ABCB5: variants seen among roughly 807,000 people sequenced by gnomAD.
The protein encoded by ABCB5 is ATP binding cassette subfamily B member 5.
In ABCB5, 155 loss-of-function variants were observed where a neutral mutation model predicts 144.2. The observed-to-expected ratio is 1.08, with a 90% CI of 0.94 to 1.23. The LOEUF is 1.23. Ranked by LOEUF, ABCB5 falls within the 50% of genes most tolerant of loss-of-function variation. The pLI is 0.00. For synonymous variants in ABCB5, 610 were observed against 528.6 expected, an observed-to-expected ratio of 1.15 and a Z score of -2.11; for missense variants, 1,830 against 1,520.8, an observed-to-expected ratio of 1.20 and a Z score of -3.38.
chr7:20,659,327 G>A (rs1583403391), intron 14 of ABCB5: 2 of 1,392,142 alleles, frequency 1.4e-6, no homozygotes, highest in African/African-American at 1.4e-5. Context: ...ATAAACCAGA[G>A]CCTTCAGACC....
At chr7:20,676,355 T>A (rs1785608643) in intron 14 of ABCB5, among the ~76,000 whole-genome samples, 1 of 151,560 alleles carries the variant, frequency 6.6e-6, no homozygotes, top group South Asian at 2.1e-4. Context: ...CTTAAATATT[T>A]ATTGGCAGAT....
rs200822568 is a variant in ABCB5, at chr7:20,704,676, A to T, written c.2338-48A>T. 6.5e-5 allele frequency: 93 copies of T among 1,441,564 alleles called. 1 individual carries two copies. The South Asian group carries it at 6.8e-4, about 11-fold the overall frequency. The allele number at this position is 1,441,564 out of a possible 1,614,324, so 89.3% of individuals were successfully genotyped here. A position where few individuals can be genotyped will look rare whatever the true frequency, so the allele number is the denominator to read the frequency against. ...ACAGCAGAAAAATCACAAGTCAGAT[A>T]AAAAAAATGATTTTTGACAACCATA... On this transcript the variant is annotated intron_variant, in intron 19 of 27. Coordinates refer to ENST00000404938, the MANE Select transcript of ABCB5 (RefSeq NM_001163941.2).
intron 14 of ABCB5, chr7:20,667,003 A>G (rs1211483754): frequency 4.1e-6 from 3 of 736,128 alleles, no homozygotes; most frequent in South Asian, 6.8e-5. Context: ...TATGAGGAGT[A>G]TATCGGTTTT....
At chr7:20,680,311 C>T (rs1179112506) in intron 14 of ABCB5, among the ~76,000 whole-genome samples, 1 of 152,096 alleles carries the variant, frequency 6.6e-6, no homozygotes, top group Admixed American at 6.5e-5. Context: ...GTAATCCCAG[C>T]ACTTTGGGAG....
chr7:20,653,453 T>G (rs1175757909), intron 13 of ABCB5, among the ~76,000 whole-genome samples: 1 of 152,188 alleles, frequency 6.6e-6, no homozygotes, highest in South Asian at 2.1e-4. Flanking sequence ...TATACACAGA[T>G]TTTAAAATTA....
Position 20,626,580 on chromosome 7 carries a change from T to A in ABCB5, c.77T>A (p.Leu26Gln). 6.2e-7 allele frequency: 1 copy of A among 1,608,412 alleles called. No individual in the cohort carries two copies. The highest frequency in any genetic ancestry group is 8.5e-7 in the Non-Finnish European group (1 of 1,177,272). The change falls in exon 3 of 28, where the codon CTG becomes CAG. Residue 26 changes from leucine to glutamine, a missense_variant. Leu to Gln is a moderately radical substitution (Grantham distance 113). Transcript: ENST00000404938. ...AGAACTGCAGAAGAACAGCCAAAACTGAGAAAGGAAGCAGTTGGATCTATT... is the reference window on the plus strand; with the variant it reads ...AGAACTGCAGAAGAACAGCCAAAACAGAGAAAGGAAGCAGTTGGATCTATT... ...RNGTAEEQPK[L>Q]RKEAVGSIEI...
intron 16 of ABCB5, among the ~76,000 whole-genome samples, chr7:20,690,943 A>G (rs1270677315): frequency 6.6e-6 from 1 of 152,186 alleles, no homozygotes; most frequent in African/African-American, 2.4e-5. Context: ...TTCAACCAAG[A>G]TAGATTAACA....
Position 20,752,239 on chromosome 7 carries a change from A to G in ABCB5, c.3430-1121A>G, listed in dbSNP as rs116100889. On this transcript the variant is annotated intron_variant, in intron 26 of 27. Transcript: ENST00000404938. ...CTGATCCATCTACACATTCTTGTCT[A>G]GGTACCAAGGGCTTATGTTTCTTAC... 4.1e-3 allele frequency among the ~76,000 whole-genome samples: 626 copies of G among 152,350 alleles called. 11 individuals carry two copies. The highest frequency in any genetic ancestry group is 0.015 in the African/African-American group (609 of 41,578).
At chr7:20,679,036 T>C (rs549927187) in intron 14 of ABCB5, among the ~76,000 whole-genome samples, 8 of 152,142 alleles carry the variant, frequency 5.3e-5, no homozygotes, top group East Asian at 3.9e-4. Context: ...AGGTAAAACA[T>C]AGGAAAACAT....
intron 20 of ABCB5, among the ~76,000 whole-genome samples, chr7:20,712,332 G>A (rs1787104799): frequency 6.7e-6 from 1 of 148,672 alleles, no homozygotes; most frequent in Non-Finnish European, 1.5e-5. Context: ...AAATGTGATT[G>A]TGATGGGTTT....
At chr7:20,706,951 A>G (rs16881931) in intron 20 of ABCB5, among the ~76,000 whole-genome samples, 6,569 of 152,292 alleles carry the variant, frequency 0.043, 443 homozygotes, top group African/African-American at 0.14. Flanking sequence ...TTACTTTGCC[A>G]TATAAAGATG....
At chr7:20,692,221 G>GA (rs1243462290) in intron 16 of ABCB5, among the ~76,000 whole-genome samples, 8 of 151,872 alleles carry the variant, frequency 5.3e-5, no homozygotes, top group African/African-American at 9.7e-5. Flanking sequence ...ATGTTAAGGA[G>GA]AAAACTACTA....
At position 20,635,306 on chromosome 7, in the gene ABCB5, C is replaced by G. The variant is rs190588131; in HGVS notation, c.314+3193C>G. 6.4e-4 allele frequency among the ~76,000 whole-genome samples: 97 copies of G among 151,308 alleles called. 2 individuals are homozygous for G. In the East Asian group the frequency reaches 0.017, roughly 26 times the overall value. ...TACCATGATATTTTCGTTACTATAG[C>G]CTTGTAGTACAATTTGAAATCAGGT... On this transcript the variant is annotated intron_variant, in intron 5 of 27. Transcript: ENST00000404938.
At chr7:20,620,954 G>A (rs563374725) in intron 1 of ABCB5, among the ~76,000 whole-genome samples, 49 of 152,192 alleles carry the variant, frequency 3.2e-4, no homozygotes, top group African/African-American at 1.1e-3. Context: ...AATGTTCACA[G>A]AAAACATTAT....
intron 20 of ABCB5, among the ~76,000 whole-genome samples, chr7:20,710,531 A>T (rs1228125186): frequency 6.7e-6 from 1 of 149,490 alleles, no homozygotes; most frequent in East Asian, 2.0e-4. Flanking sequence ...TTCTTATCTT[A>T]TGGACAATAT....
chr7:20,738,636 A>G (rs562367143), intron 23 of ABCB5, among the ~76,000 whole-genome samples: 23 of 152,312 alleles, frequency 1.5e-4, no homozygotes, highest in African/African-American at 5.5e-4. Context: ...CATTCTTCCT[A>G]TTGTCAGTTG....
At chr7:20,735,578 C>T (rs955430671) in intron 23 of ABCB5, among the ~76,000 whole-genome samples, 7 of 152,120 alleles carry the variant, frequency 4.6e-5, no homozygotes, top group Non-Finnish European at 7.3e-5. Flanking sequence ...AGAGATTATC[C>T]GGAAGAGACA....
chr7:20,717,438 T>G (rs75682794), intron 20 of ABCB5, among the ~76,000 whole-genome samples: 3 of 87,596 alleles, frequency 3.4e-5, no homozygotes, highest in African/African-American at 2.6e-4. Flanking sequence ...AGATTTCCTC[T>G]TTTTTTTTTT....
At chr7:20,696,362 C>T (rs369519587) in intron 16 of ABCB5, among the ~76,000 whole-genome samples, 2 of 152,018 alleles carry the variant, frequency 1.3e-5, no homozygotes, top group South Asian at 4.2e-4. Flanking sequence ...TCTAAAAATG[C>T]AAACTAATCT....
Sources: gnomAD v4.1 joint callset for allele counts (sites outside exome capture counted in the v4.1 genomes callset) on GRCh38, gnomAD v4.1.1 for gene constraint, MANE v1.5 for transcripts, NCBI Gene and HGNC (gene_info 2026-07-23, HGNC 2026-07-21) for gene names.